ANKRD11: variants seen among roughly 807,000 people sequenced by gnomAD.
ANKRD11 encodes ankyrin repeat domain-containing protein 11.
Under a neutral mutation model 195.7 loss-of-function variants are expected in ANKRD11, and 17 were observed. That is an observed-to-expected ratio of 0.09 (90% confidence interval 0.06 to 0.13). The LOEUF (loss-of-function observed/expected upper bound fraction) is 0.13. ANKRD11 is among the 10% of genes least tolerant of loss of function. ANKRD11 has a pLI of 1.00. For synonymous variants in ANKRD11, 1,953 were observed against 1,528.1 expected, an observed-to-expected ratio of 1.28 and a Z score of -6.49; for missense variants, 3,735 against 3,566.1, an observed-to-expected ratio of 1.05 and a Z score of -1.21.
chr16:89,393,110 A>T (rs1424343419), intron 2 of ANKRD11, among the ~76,000 whole-genome samples: 1 of 151,914 alleles, frequency 6.6e-6, no homozygotes, highest in Non-Finnish European at 1.5e-5. Flanking sequence ...CCTCTTCTTC[A>T]CCTGCATACC....
At chr16:89,317,432 C>T (rs1367759382) in intron 2 of ANKRD11, among the ~76,000 whole-genome samples, 1 of 152,202 alleles carries the variant, frequency 6.6e-6, no homozygotes, top group Non-Finnish European at 1.5e-5. Flanking sequence ...CGGTCAGGCA[C>T]CACAAGGCAG....
intron 2 of ANKRD11, among the ~76,000 whole-genome samples, chr16:89,381,607 A>G (rs1355105264): frequency 6.6e-6 from 1 of 152,208 alleles, no homozygotes; most frequent in African/African-American, 2.4e-5. Context: ...CAACAAGAGG[A>G]GAACGATGAA....
intron 2 of ANKRD11, among the ~76,000 whole-genome samples, chr16:89,398,588 C>A (rs896637555): frequency 6.6e-6 from 1 of 151,978 alleles, no homozygotes; most frequent in Non-Finnish European, 1.5e-5. Flanking sequence ...AATAAAAAAA[C>A]AAAAATAGCT....
chr16:89,338,581 T>C (rs2038494897), intron 2 of ANKRD11, among the ~76,000 whole-genome samples: 1 of 151,496 alleles, frequency 6.6e-6, no homozygotes, highest in African/African-American at 2.4e-5. Context: ...AAAAATTAGC[T>C]GGGCGTGGTG....
chr16:89,282,959 T>C lies in ANKRD11; in HGVS notation c.3583A>G (p.Arg1195Gly). 1.2e-6 allele frequency: 2 copies of C among 1,613,524 alleles called. No individual in the cohort carries two copies. The highest frequency in any genetic ancestry group is 1.1e-5 in the South Asian group (1 of 91,064). The stretch of plus-strand genomic sequence containing the variant: ...TCAAAGACTTTCTCTTTTTTGTCTC[T>C]CCCCGCGTCGGCAGCCCCTCGGTCC... The part of the protein sequence containing the change: ...RKDRGAADAG[R>G]DKKEKVFEKH... The change falls in exon 9 of 13, where the codon AGA becomes GGA. Residue 1195 changes from arginine (R) to glycine (G), a missense_variant. Physicochemically the swap from Arg to Gly is moderately radical, Grantham distance 125. Coordinates refer to ENST00000301030, the MANE Select transcript of ANKRD11 (RefSeq NM_013275.6).
At chr16:89,336,751 T>G (rs2038374889) in intron 2 of ANKRD11, among the ~76,000 whole-genome samples, 1 of 152,156 alleles carries the variant, frequency 6.6e-6, no homozygotes, top group Admixed American at 6.5e-5. Context: ...CTGCTTCTAA[T>G]GTTCTGACTA....
chr16:89,273,788 A>C (rs951450610), intron 11 of ANKRD11, among the ~76,000 whole-genome samples: 1 of 152,246 alleles, frequency 6.6e-6, no homozygotes, highest in Non-Finnish European at 1.5e-5. Flanking sequence ...TAATGCACAA[A>C]GAGATGTTTT....
Position 89,304,656 on chromosome 16 carries a change from G to A in ANKRD11, c.226+550C>T, listed in dbSNP as rs550598358. Among the ~76,000 whole-genome samples the A allele has an allele frequency of 2.1e-4, 32 of 149,632 alleles. No individual in the cohort carries two copies. In the South Asian group the frequency reaches 4.7e-3, roughly 22 times the overall value. On this transcript the variant is annotated intron_variant, in intron 4 of 12. Coordinates refer to ENST00000301030, the MANE Select transcript of ANKRD11 (RefSeq NM_013275.6). ...CATGAGGGCATGCACACAGATACAC[G>A]GGCATGTGCACATGGGCACACATAC...
chr16:89,432,398 G>A (rs904588450), intron 1 of ANKRD11, among the ~76,000 whole-genome samples: 4 of 152,004 alleles, frequency 2.6e-5, no homozygotes, highest in East Asian at 1.9e-4. Flanking sequence ...CGTGGCAGCC[G>A]CCTCCCAGAG....
chr16:89,486,534 GA>G (rs2057620469), intron 1 of ANKRD11, among the ~76,000 whole-genome samples: 1 of 152,010 alleles, frequency 6.6e-6, no homozygotes, highest in South Asian at 2.1e-4. Flanking sequence ...AGTTTGGGGG[GA>G]TCTGCATGAG....
chr16:89,289,296 AG>A (rs1420283060), intron 6 of ANKRD11, among the ~76,000 whole-genome samples: 2 of 152,028 alleles, frequency 1.3e-5, no homozygotes, highest in African/African-American at 2.4e-5. Flanking sequence ...TAAAAAAAAA[AG>A]GTGCTAAATT....
Position 89,284,108 on chromosome 16 carries a change from AATC to A in ANKRD11, c.2431_2433del (p.Asp811del). Reference sequence around the variant, plus strand: ...TTGTTACAATATTCGTCAAAAGCAGAATCTTCCCTATAAACCTTTTCTTTTTTG... The same window carrying A: ...TTGTTACAATATTCGTCAAAAGCAGATTCCCTATAAACCTTTTCTTTTTTG... On this transcript the variant is annotated inframe_deletion, in exon 9 of 13. Transcript: ENST00000301030. The A allele has an allele frequency of 1.2e-6, 2 of 1,613,850 alleles. 1 individual carries two copies. The highest frequency in any genetic ancestry group is 2.2e-5 in the South Asian group (2 of 91,066).
chr16:89,294,236 TG>T (rs1317843896), intron 4 of ANKRD11, among the ~76,000 whole-genome samples: 1 of 152,164 alleles, frequency 6.6e-6, no homozygotes, highest in East Asian at 1.9e-4. Context: ...GCAATTCGCA[TG>T]GAAGGTGCTG....
intron 2 of ANKRD11, chr16:89,323,828 T>C: frequency 4.2e-6 from 1 of 238,440 alleles, no homozygotes; most frequent in Non-Finnish European, 8.3e-6. Context: ...GTTCCAGCTA[T>C]CACTCTGTGC....
intron 4 of ANKRD11, 21 bp downstream of exon 4, chr16:89,305,185 G>T (rs752142028): frequency 6.2e-7 from 1 of 1,608,756 alleles, no homozygotes; most frequent in Non-Finnish European, 8.5e-7. Context: ...GCTGACTGCA[G>T]GAGGGGCCGC....
intron 4 of ANKRD11, among the ~76,000 whole-genome samples, chr16:89,292,762 GC>G (rs1339009920): frequency 6.6e-6 from 1 of 152,184 alleles, no homozygotes; most frequent in Non-Finnish European, 1.5e-5. Context: ...AGGCAGCCTC[GC>G]CACCGGCCAA....
At chr16:89,351,109 G>A (rs1291274596) in intron 2 of ANKRD11, among the ~76,000 whole-genome samples, 1 of 152,206 alleles carries the variant, frequency 6.6e-6, no homozygotes. Context: ...CCTCAAAGAA[G>A]CTCTCAGAGA....
At chr16:89,470,558 G>A (rs2057042655) in intron 1 of ANKRD11, among the ~76,000 whole-genome samples, 1 of 152,170 alleles carries the variant, frequency 6.6e-6, no homozygotes, top group Non-Finnish European at 1.5e-5. Flanking sequence ...GAAATCTCAT[G>A]AAAGCAGCCA....
intron 1 of ANKRD11, among the ~76,000 whole-genome samples, chr16:89,453,832 G>A (rs953197250): frequency 7.9e-5 from 12 of 152,124 alleles, no homozygotes; most frequent in African/African-American, 2.2e-4. Context: ...TTGTGAATTC[G>A]AGGCAGGACT....
Sources: allele counts gnomAD v4.1 joint callset (sites outside exome capture counted in the v4.1 genomes callset), GRCh38; gene constraint gnomAD v4.1.1; transcripts MANE v1.5; gene names NCBI Gene and HGNC (gene_info 2026-07-23, HGNC 2026-07-21).